SPMIP2: variants seen among roughly 807,000 people sequenced by gnomAD.
SPMIP2 encodes the protein protein SPMIP2.
At chr4:158,942,537 G>C in the SPMIP2 span, among the ~76,000 whole-genome samples, 1 of 152,208 alleles carries the variant, frequency 6.6e-6, no homozygotes, top group African/African-American at 2.4e-5. Flanking sequence ...GGGAGGCCAA[G>C]GCAGGCGGAT....
the SPMIP2 span, among the ~76,000 whole-genome samples, chr4:158,912,307 A>C: frequency 6.6e-6 from 1 of 152,218 alleles, no homozygotes; most frequent in Admixed American, 6.5e-5. Context: ...CATTGTAATT[A>C]AGCTCTCTAA....
At chr4:159,062,024 GTT>G in the SPMIP2 span, among the ~76,000 whole-genome samples, 1 of 152,174 alleles carries the variant, frequency 6.6e-6, no homozygotes, top group Non-Finnish European at 1.5e-5. Flanking sequence ...GTACAGCCTT[GTT>G]TGCAGGAGCA....
the SPMIP2 span, among the ~76,000 whole-genome samples, chr4:158,972,431 T>C: frequency 6.6e-6 from 1 of 152,174 alleles, no homozygotes. Flanking sequence ...TTGAGGAAAT[T>C]CAGTTATTGC....
At chr4:159,042,694 G>A in the SPMIP2 span, among the ~76,000 whole-genome samples, 3 of 151,922 alleles carry the variant, frequency 2.0e-5, no homozygotes, top group East Asian at 1.9e-4. Flanking sequence ...ACAGAGTCTC[G>A]CTCTGTTACC....
chr4:159,035,213 A>G, the SPMIP2 span: 1 of 765,540 alleles, frequency 1.3e-6, no homozygotes, highest in South Asian at 1.7e-5. Context: ...TGTGACCTGC[A>G]CCAGGTGGTT....
chr4:158,894,428 T>A, the SPMIP2 span, among the ~76,000 whole-genome samples: 1 of 152,104 alleles, frequency 6.6e-6, no homozygotes, highest in Non-Finnish European at 1.5e-5. Flanking sequence ...TACCTCAGCC[T>A]CCCAAAGTGC....
the SPMIP2 span, among the ~76,000 whole-genome samples, chr4:159,066,467 CA>C: frequency 1.3e-5 from 2 of 151,812 alleles, no homozygotes; most frequent in African/African-American, 4.8e-5. Flanking sequence ...TCAGAACCTT[CA>C]AAAAGCTATG....
the SPMIP2 span, among the ~76,000 whole-genome samples, chr4:159,082,276 T>G: frequency 6.6e-6 from 1 of 151,740 alleles, no homozygotes; most frequent in Non-Finnish European, 1.5e-5. Context: ...GAGGTTGCAG[T>G]GAGCTGAGAT....
the SPMIP2 span, chr4:159,035,134 C>T: frequency 9.0e-6 from 14 of 1,557,646 alleles, no homozygotes; most frequent in Admixed American, 5.1e-5. Flanking sequence ...TTTTCTTCTT[C>T]GGCTTCTTCA....
At chr4:159,058,398 G>T in the SPMIP2 span, among the ~76,000 whole-genome samples, 3 of 152,192 alleles carry the variant, frequency 2.0e-5, no homozygotes, top group Middle Eastern at 0.01. Context: ...ATTGTTTTGT[G>T]TTGCCCTTGA....
At chr4:158,930,013 ACTTTCT>A in the SPMIP2 span, among the ~76,000 whole-genome samples, 1 of 152,198 alleles carries the variant, frequency 6.6e-6, no homozygotes, top group African/African-American at 2.4e-5. Context: ...AGAATATCTT[ACTTTCT>A]CTTTCATTTT....
At chr4:158,953,062 G>C in the SPMIP2 span, among the ~76,000 whole-genome samples, 8 of 152,188 alleles carry the variant, frequency 5.3e-5, no homozygotes, top group Non-Finnish European at 1.2e-4. Context: ...CCCATTTTCT[G>C]ACATGAAATT....
the SPMIP2 span, among the ~76,000 whole-genome samples, chr4:158,997,049 C>T: frequency 6.6e-6 from 1 of 152,144 alleles, no homozygotes; most frequent in Non-Finnish European, 1.5e-5. Context: ...GGAAAACATT[C>T]CTCAGAGAAA....
chr4:158,935,485 CT>C, the SPMIP2 span, among the ~76,000 whole-genome samples: 1 of 152,120 alleles, frequency 6.6e-6, no homozygotes, highest in African/African-American at 2.4e-5. Context: ...TTCCTTACGT[CT>C]TTGTGTCTTC....
the SPMIP2 span, among the ~76,000 whole-genome samples, chr4:159,003,818 G>A: frequency 6.6e-6 from 1 of 152,044 alleles, no homozygotes; most frequent in Admixed American, 6.6e-5. Context: ...CAGCTAACAG[G>A]GTCAGAATGG....
chr4:158,904,520 T>G, the SPMIP2 span: 14 of 1,613,234 alleles, frequency 8.7e-6, no homozygotes, highest in Non-Finnish European at 1.2e-5. Context: ...CTCATTCTCC[T>G]TATGTGGCTC....
the SPMIP2 span, among the ~76,000 whole-genome samples, chr4:159,038,400 A>G: frequency 2.0e-5 from 3 of 152,214 alleles, no homozygotes; most frequent in African/African-American, 4.8e-5. Context: ...GTGATTGAAC[A>G]TGCTTTCATG....
chr4:158,894,396 T>TC, the SPMIP2 span, among the ~76,000 whole-genome samples: 5 of 152,170 alleles, frequency 3.3e-5, no homozygotes, highest in African/African-American at 9.6e-5. Flanking sequence ...GGTCTTGAAC[T>TC]CCTGGGCTCA....
chr4:158,988,275 A>G, the SPMIP2 span, among the ~76,000 whole-genome samples: 1,016 of 152,338 alleles, frequency 6.7e-3, 12 homozygotes, highest in African/African-American at 0.022. Flanking sequence ...AAAAATGTCC[A>G]GGACCAGACA....
Sources: allele counts gnomAD v4.1 joint callset (sites outside exome capture counted in the v4.1 genomes callset), GRCh38; gene constraint gnomAD v4.1.1; transcripts MANE v1.5; gene names NCBI Gene and HGNC (gene_info 2026-07-23, HGNC 2026-07-21).